Variants in NSD1 observed in about 807,000 individuals in gnomAD.
NSD1 encodes the protein nuclear receptor binding SET domain protein 1, also known as histone-lysine N-methyltransferase, H3 lysine-36 specific.
In NSD1, 26 loss-of-function variants were observed where a neutral mutation model predicts 242.7. The observed-to-expected ratio is 0.11, with a 90% confidence interval of 0.08 to 0.15. NSD1 has a LOEUF of 0.15. Among genes scored for constraint, NSD1 ranks in the 10% least tolerant of loss-of-function variants. The pLI, the probability that NSD1 is intolerant of heterozygous loss-of-function variation, is 1.00. For synonymous variants in NSD1, 1,106 were observed against 1,178.1 expected (o/e 0.94, Z 1.25); for missense variants, 2,495 against 3,272.8 (o/e 0.76, Z 5.80).
At chr5:177,215,906 G>A (rs1763733835) in intron 5 of NSD1, among the ~76,000 whole-genome samples, 1 of 152,070 alleles carries the variant, frequency 6.6e-6, no homozygotes, top group Non-Finnish European at 1.5e-5. Flanking sequence ...TGTCACCTAG[G>A]GTGGAATACA....
At chr5:177,282,392 T>C (rs558567773) in intron 18 of NSD1, 73 bp from the exon 19 acceptor site, 14 of 941,630 alleles carry the variant, frequency 1.5e-5, no homozygotes, top group Admixed American at 3.4e-5. Context: ...TCATTAATTT[T>C]TTAAAAAAAT....
chr5:177,243,740 T>G (rs1766068521), intron 8 of NSD1, among the ~76,000 whole-genome samples: 1 of 152,142 alleles, frequency 6.6e-6, no homozygotes, highest in Admixed American at 6.5e-5. Context: ...TTGCCTAGAC[T>G]GGAGTGCAGT....
rs1762186978 is a variant in NSD1 at position 177,197,440 on chromosome 5, G to A, written c.1063+5421G>A. Among the ~76,000 whole-genome samples the A allele has an allele frequency of 4.6e-5, 7 of 152,184 alleles. 1 individual carries two copies. The South Asian group carries it at 1.4e-3, about 32-fold the overall frequency. ...GATGGAGACCATCCTGGCTAACAAG[G>A]TGAAACCCTGTCTCTACTAAAAATA... On this transcript the variant is annotated intron_variant, in intron 3 of 22. Transcript: ENST00000439151.
intron 5 of NSD1, among the ~76,000 whole-genome samples, chr5:177,232,861 C>T (rs1411208229): frequency 6.6e-6 from 1 of 152,124 alleles, no homozygotes; most frequent in African/African-American, 2.4e-5. Context: ...CTTGGAGAAA[C>T]TAGACAGTGG....
chr5:177,264,880 A>G, intron 14 of NSD1: 1 of 768,062 alleles, frequency 1.3e-6, no homozygotes, highest in East Asian at 2.4e-5. Context: ...GAAAGGTGAT[A>G]TTGTAGACAT....
At chr5:177,218,418 CAG>C (rs930469606) in intron 5 of NSD1, among the ~76,000 whole-genome samples, 4 of 151,958 alleles carry the variant, frequency 2.6e-5, no homozygotes, top group Admixed American at 2.6e-4. Context: ...TGAATTTTGT[CAG>C]ATGTTTTTTC....
chr5:177,201,937 C>T lies in NSD1; in HGVS notation c.1064-2183C>T, dbSNP rs558038017. ...ATCCCAGCACTTTGGGAGGCCGAGG[C>T]GGGCGGATCACCTGAGGTCGGCAGT... is the stretch of plus-strand genomic sequence containing the variant. On this transcript the variant is annotated intron_variant, in intron 3 of 22. Coordinates refer to ENST00000439151, the MANE Select transcript of NSD1 (RefSeq NM_022455.5). 1.1e-4 allele frequency among the ~76,000 whole-genome samples: 17 copies of T among 151,444 alleles called. No homozygotes were observed. In the East Asian group the frequency reaches 2.6e-3, roughly 23 times the overall value.
At chr5:177,232,470 C>A (rs895266028) in intron 5 of NSD1, among the ~76,000 whole-genome samples, 1 of 152,172 alleles carries the variant, frequency 6.6e-6, no homozygotes, top group African/African-American at 2.4e-5. Flanking sequence ...TGACATCATG[C>A]AATGTGTCAG....
chr5:177,197,389 G>A (rs977170493), intron 3 of NSD1, among the ~76,000 whole-genome samples: 16 of 152,240 alleles, frequency 1.1e-4, no homozygotes, highest in Non-Finnish European at 2.1e-4. Flanking sequence ...TCGGGAGGCC[G>A]AGGCAGGCGG....
Position 177,264,027 on chromosome 5 carries a change from A to ATT in NSD1, c.5147-3535_5147-3534insTT, listed in dbSNP as rs1385345106. Among the ~76,000 whole-genome samples the ATT allele has an allele frequency of 6.9e-5, 5 of 72,050 alleles. No individual in the cohort carries two copies. In the Admixed American group the frequency reaches 9.7e-4, roughly 14 times the overall value. The allele number at this position is 72,050 out of a possible 152,430, so 47.3% of individuals were successfully genotyped here. A position where few individuals can be genotyped will look rare whatever the true frequency, so the allele number is the denominator to read the frequency against. On this transcript the variant is annotated intron_variant, in intron 14 of 22. Coordinates refer to ENST00000439151, the MANE Select transcript of NSD1 (RefSeq NM_022455.5). ...GAAGATGCATATGACTCAATGAACC[A>ATT]ATTTTTTTTTTTTTTTTTTTTTTTT...
At chr5:177,213,639 T>C (rs1416092082) in intron 5 of NSD1, among the ~76,000 whole-genome samples, 1 of 152,124 alleles carries the variant, frequency 6.6e-6, no homozygotes, top group Non-Finnish European at 1.5e-5. Flanking sequence ...AGCTAATTTT[T>C]TTTTGTATTT....
rs1023224885 is a variant in NSD1 at position 177,279,652 on chromosome 5, G to A, written c.5623-913G>A. Among the ~76,000 whole-genome samples the A allele has an allele frequency of 8.4e-5, 9 of 107,396 alleles. No individual in the cohort carries two copies. In the South Asian group the frequency reaches 2.2e-3, roughly 26 times the overall value. 70.5% of individuals were successfully genotyped at this position (107,396 alleles called of 152,430 possible). ...TTTTTTTTTTTTGAGACGGAGTCTC[G>A]CCCTGTCACCCAGGCTGGAGTGCAG... On this transcript the variant is annotated intron_variant, in intron 17 of 22. Transcript: ENST00000439151.
Position 177,221,135 on chromosome 5 carries a change from A to G in NSD1, c.3796+8940A>G, listed in dbSNP as rs61533151. The G allele has an allele frequency of 1.7e-3, 724 of 415,292 alleles. 9 individuals are homozygous for G. The highest frequency in any genetic ancestry group is 0.014 in the African/African-American group (671 of 48,692). 25.7% of individuals were successfully genotyped at this position (415,292 alleles called of 1,614,324 possible). On this transcript the variant is annotated intron_variant, in intron 5 of 22. Transcript: ENST00000439151. Reference sequence around the variant, plus strand: ...TGATCCACCCACTTTGGCCTCCCACAGTGCAGGGATTACAGGTGTGAGCCA... The same window carrying G: ...TGATCCACCCACTTTGGCCTCCCACGGTGCAGGGATTACAGGTGTGAGCCA...
chr5:177,192,140 A>T, intron 3 of NSD1, 121 bp downstream of exon 3: 1 of 853,906 alleles, frequency 1.2e-6, no homozygotes, highest in Non-Finnish European at 1.7e-6. Flanking sequence ...TTGGTGTTAC[A>T]TATTTTATCT....
At chr5:177,260,286 AT>A (rs1562269820) in intron 14 of NSD1, 118 bp downstream of exon 14, 6 of 871,680 alleles carry the variant, frequency 6.9e-6, no homozygotes, top group Non-Finnish European at 1.1e-5. Flanking sequence ...AAATGATACT[AT>A]TCATCTGCCA....
intron 2 of NSD1, among the ~76,000 whole-genome samples, chr5:177,171,124 C>G (rs928310522): frequency 1.3e-5 from 2 of 151,704 alleles, no homozygotes; most frequent in Non-Finnish European, 2.9e-5. Context: ...AGATTGAGAC[C>G]GTCCTGGCCA....
At chr5:177,184,954 A>T (rs1255961998) in intron 2 of NSD1, among the ~76,000 whole-genome samples, 1 of 152,144 alleles carries the variant, frequency 6.6e-6, no homozygotes, top group African/African-American at 2.4e-5. Flanking sequence ...ATATCATATA[A>T]ATCAAGCATC....
chr5:177,205,896 T>C (rs1449776552), intron 4 of NSD1, among the ~76,000 whole-genome samples: 2 of 152,184 alleles, frequency 1.3e-5, no homozygotes, highest in South Asian at 2.1e-4. Context: ...CAGTCATCTT[T>C]TACTGCAGCT....
chr5:177,187,207 C>T (rs369029053), intron 2 of NSD1, among the ~76,000 whole-genome samples: 4 of 149,200 alleles, frequency 2.7e-5, no homozygotes, highest in East Asian at 2.0e-4. Context: ...CAGGTTCAAG[C>T]GATTCTTCTG....
Sources: allele counts gnomAD v4.1 joint callset (sites outside exome capture counted in the v4.1 genomes callset), GRCh38; gene constraint gnomAD v4.1.1; transcripts MANE v1.5; gene names NCBI Gene and HGNC (gene_info 2026-07-23, HGNC 2026-07-21).